The following PFN2 variants were observed in gnomAD, a reference collection of about 807,000 sequenced individuals.
PFN2 encodes profilin 2.
In PFN2, 8 loss-of-function variants were observed where a neutral mutation model predicts 15.3. That is an observed-to-expected ratio of 0.52 (90% confidence interval 0.31 to 0.95). PFN2 has a LOEUF of 0.95. Ranked by LOEUF, PFN2 falls within the 40% of genes least tolerant of loss-of-function variation. The probability of loss-of-function intolerance (pLI) is 0.05; values close to 1 mark genes in which losing one functional copy is unlikely to be tolerated. For synonymous variants in PFN2, 79 were observed against 67.9 expected (o/e 1.16, Z -0.81); for missense variants, 111 against 182.3 (o/e 0.61, Z 2.25).
In PFN2 at chr3:149,966,295, G is replaced by T; in HGVS notation, c.*194C>A. ...GTACACAAGGAAACAAAACAAAAGTGAACAGAATTATTTTGGGGGGGGAGG... is the reference window on the plus strand; with the variant it reads ...GTACACAAGGAAACAAAACAAAAGTTAACAGAATTATTTTGGGGGGGGAGG... On this transcript the variant is annotated 3_prime_UTR_variant, in exon 3 of 3. Coordinates refer to ENST00000239940, the MANE Select transcript of PFN2 (RefSeq NM_053024.4). The T allele has an allele frequency of 1.2e-6, 2 of 1,609,208 alleles. No homozygotes were observed. Among genetic ancestry groups the T allele is most frequent in the South Asian group, 1.1e-5 (1 of 90,068 alleles).
intron 2 of PFN2, 69 bp from the exon 3 acceptor site, chr3:149,966,655 A>G (rs974096818): frequency 6.9e-6 from 8 of 1,153,154 alleles, no homozygotes; most frequent in Non-Finnish European, 1.0e-5. Flanking sequence ...GTTTTAGCAG[A>G]CAGAACCCGG....
At chr3:149,970,427 T>C in intron 1 of PFN2, 1 of 248,300 alleles carries the variant, frequency 4.0e-6, no homozygotes, top group Non-Finnish European at 7.6e-6. Context: ...CCCTGGCCGG[T>C]GCGTGCCCCC....
chr3:149,969,659 G>A (rs891619056), intron 1 of PFN2, among the ~76,000 whole-genome samples: 4 of 152,178 alleles, frequency 2.6e-5, no homozygotes, highest in African/African-American at 9.7e-5. Context: ...TAATGGAAAG[G>A]GAGCGTGGTG....
At chr3:149,970,092 G>A (rs1192606299) in intron 1 of PFN2, among the ~76,000 whole-genome samples, 3 of 151,430 alleles carry the variant, frequency 2.0e-5, no homozygotes, top group Non-Finnish European at 4.4e-5. Flanking sequence ...AGCTGAAGTC[G>A]AGATTCACGA....
At chr3:149,970,572 C>T in intron 1 of PFN2, 153 bp downstream of exon 1, 2 of 730,084 alleles carry the variant, frequency 2.7e-6, no homozygotes, top group Non-Finnish European at 3.7e-6. Context: ...CCTCGGCCTC[C>T]CCGCCCGCCC....
Position 149,966,528 on chromosome 3 carries a change from T to A in PFN2, c.384A>T (p.Ala128=), listed in dbSNP as rs1722696783. 6.2e-7 allele frequency: 1 copy of A among 1,612,966 alleles called. No individual in the cohort carries two copies. Among genetic ancestry groups the A allele is most frequent in the Non-Finnish European group, 8.5e-7 (1 of 1,178,926 alleles). The stretch of plus-strand genomic sequence containing the variant: ...CTCTCAAGTATTTTGCCATTGAGTA[T>A]GCCTTCTTATTCAATCCGCCTCCAT... ...GVHGGGLNKK[A]YSMAKYLRDS... Residue 128 remains alanine, a synonymous_variant, in exon 3 of 3, where the codon GCA becomes GCT. Transcript: ENST00000239940.
At position 149,970,790 on chromosome 3, in the gene PFN2, C is replaced by T; in HGVS notation, c.67G>A (p.Val23Ile). Residue 23 changes from valine (V) to isoleucine (I), a missense_variant, in exon 1 of 3, where the codon GTC becomes ATC. This residue lies in a region of PFN2 where 64 missense variants were observed against 69.7 expected (regional missense o/e 0.92). Coordinates refer to ENST00000239940, the MANE Select transcript of PFN2 (RefSeq NM_053024.4). ...CDGCCQEAAIVGYCDAKYVWA... is the reference protein window; with the variant it reads ...CDGCCQEAAIIGYCDAKYVWA... ...ACGTATTTGGCGTCGCAGTAGCCGA[C>T]AATGGCGGCCTCCTGGCAGCAGCCA... is the stretch of plus-strand genomic sequence containing the variant. The T allele has an allele frequency of 1.3e-6, 2 of 1,513,942 alleles. No individual in the cohort carries two copies. The highest frequency in any genetic ancestry group is 2.5e-5 in the South Asian group (2 of 81,370). 93.8% of individuals were successfully genotyped at this position (1,513,942 alleles called of 1,614,324 possible). A position where few individuals can be genotyped will look rare whatever the true frequency, so the allele number is the denominator to read the frequency against.
At chr3:149,968,330 A>G (rs1463528163) in intron 2 of PFN2, 28 bp downstream of exon 2, 1 of 1,596,630 alleles carries the variant, frequency 6.3e-7, no homozygotes. Context: ...GTGGCATGCA[A>G]CTTTAACCAA....
chr3:149,969,449 TCACA>T (rs1332435895), intron 1 of PFN2, among the ~76,000 whole-genome samples: 2 of 152,162 alleles, frequency 1.3e-5, no homozygotes, highest in African/African-American at 2.4e-5. Context: ...CAGCGGGAAC[TCACA>T]CACAAAGACA....
In PFN2 at chr3:149,965,258, T is replaced by A; in HGVS notation, c.*1231A>T. ...CACAAGACAGCCAAGTCCACAATAATGCAACTTCATATAAAAACTCAAGCT... is the reference window on the plus strand; with the variant it reads ...CACAAGACAGCCAAGTCCACAATAAAGCAACTTCATATAAAAACTCAAGCT... On this transcript the variant is annotated 3_prime_UTR_variant, in exon 3 of 3. Transcript: ENST00000239940. The A allele has an allele frequency of 6.5e-7, 1 of 1,535,374 alleles. No homozygotes were observed.
intron 1 of PFN2, among the ~76,000 whole-genome samples, chr3:149,969,689 G>T (rs1330930561): frequency 6.6e-6 from 1 of 152,162 alleles, no homozygotes; most frequent in Non-Finnish European, 1.5e-5. Context: ...AAAGAGAATG[G>T]TCTCGTATTT....
At chr3:149,969,393 G>A (rs1722780554) in intron 1 of PFN2, among the ~76,000 whole-genome samples, 1 of 152,188 alleles carries the variant, frequency 6.6e-6, no homozygotes, top group Non-Finnish European at 1.5e-5. Flanking sequence ...AGTCATAGCA[G>A]GCCCCAGCCA....
intron 1 of PFN2, among the ~76,000 whole-genome samples, chr3:149,970,061 A>C (rs969584429): frequency 3.9e-5 from 6 of 152,086 alleles, no homozygotes; most frequent in South Asian, 2.1e-4. Context: ...AAAAAAAAAA[A>C]AAAACAACCT....
chr3:149,968,770 AATG>A (rs901497610), intron 1 of PFN2: 110 of 512,098 alleles, frequency 2.1e-4, no homozygotes, highest in African/African-American at 2.0e-3. Context: ...GACTTCAGTT[AATG>A]ATGTCGTCTC....
intron 2 of PFN2, among the ~76,000 whole-genome samples, chr3:149,967,151 C>G (rs778312632): frequency 9.2e-5 from 14 of 152,064 alleles, no homozygotes; most frequent in Non-Finnish European, 8.8e-5. Flanking sequence ...ATAACTTCAC[C>G]GTAGTAGCCT....
Position 149,966,207 on chromosome 3 carries a change from G to A in PFN2, c.*282C>T. ...CCTCAGGTATAAAGCGAGTTCATAT[G>A]CTTTCTTGTTAAGTGTGCCTCCGTG... On this transcript the variant is annotated 3_prime_UTR_variant, in exon 3 of 3. Coordinates refer to ENST00000239940, the MANE Select transcript of PFN2 (RefSeq NM_053024.4). The A allele has an allele frequency of 6.2e-7, 1 of 1,613,752 alleles. No homozygotes were observed. The highest frequency in any genetic ancestry group is 1.1e-5 in the South Asian group (1 of 91,076).
In PFN2 at chr3:149,965,886, T is replaced by C. The variant is rs1481726446; in HGVS notation, c.*603A>G. The C allele has an allele frequency of 1.6e-6, 2 of 1,245,952 alleles. No homozygotes were observed. The highest frequency in any genetic ancestry group is 2.0e-6 in the Non-Finnish European group (2 of 993,046). 77.2% of individuals were successfully genotyped at this position (1,245,952 alleles called of 1,614,324 possible). A position where few individuals can be genotyped will look rare whatever the true frequency, so the allele number is the denominator to read the frequency against. ...AATATTAACTTATTTTAGTAATCAATATCCCATTAATTGCTAAGACAAAGT... is the reference window on the plus strand; with the variant it reads ...AATATTAACTTATTTTAGTAATCAACATCCCATTAATTGCTAAGACAAAGT... On this transcript the variant is annotated 3_prime_UTR_variant, in exon 3 of 3. Coordinates refer to ENST00000239940, the MANE Select transcript of PFN2 (RefSeq NM_053024.4).
In PFN2 at chr3:149,970,719, C is replaced by T. The variant is rs1029609340; in HGVS notation, c.132+6G>A. The T allele has an allele frequency of 4.0e-6, 6 of 1,505,588 alleles. No homozygotes were observed. The African/African-American group carries it at 8.6e-5, about 22-fold the overall frequency. 93.3% of individuals were successfully genotyped at this position (1,505,588 alleles called of 1,614,324 possible). ...GACCAGGGTACCGGCCGCCACTGGT[C>T]CTCACCGTAATGCTCTGAAAGACGC... On this transcript the variant is annotated splice_donor_region_variant and intron_variant, in intron 1 of 2. Transcript: ENST00000239940.
chr3:149,969,077 A>G (rs1722770925), intron 1 of PFN2, among the ~76,000 whole-genome samples: 1 of 152,204 alleles, frequency 6.6e-6, no homozygotes, highest in Non-Finnish European at 1.5e-5. Flanking sequence ...AATATACGTG[A>G]TGAGATGGAC....
Sources: allele counts gnomAD v4.1 joint callset (sites outside exome capture counted in the v4.1 genomes callset), GRCh38; gene constraint gnomAD v4.1.1; regional missense constraint gnomAD v4.1.1; transcripts MANE v1.5; gene names NCBI Gene and HGNC (gene_info 2026-07-23, HGNC 2026-07-21).